ZBTB10: variants seen among roughly 807,000 people sequenced by gnomAD.
ZBTB10 encodes the protein zinc finger and BTB domain-containing protein 10.
A neutral mutation model predicts 76.4 loss-of-function variants in ZBTB10; 32 were observed. That is an observed-to-expected ratio of 0.42 (90% confidence interval 0.32 to 0.56). The LOEUF (loss-of-function observed/expected upper bound fraction) is 0.56, where lower values mean the gene tolerates loss of function less well. Ranked by LOEUF, ZBTB10 falls within the 20% of genes least tolerant of loss-of-function variation. The pLI is 0.14. For synonymous variants in ZBTB10, 523 were observed against 432.9 expected (o/e 1.21, Z -2.58); for missense variants, 1,057 against 1,098.5 (o/e 0.96, Z 0.53).
In ZBTB10 at chr8:80,486,870, C is replaced by G; in HGVS notation, c.60C>G (p.Thr20=). 1 of 1,513,436 alleles carries G rather than the reference C, an allele frequency of 6.6e-7. No individual in the cohort carries two copies. Among genetic ancestry groups the G allele is most frequent in the Non-Finnish European group, 8.8e-7 (1 of 1,132,894 alleles). 93.8% of individuals were successfully genotyped at this position (1,513,436 alleles called of 1,614,324 possible). Residue 20 remains threonine, a synonymous_variant, in exon 1 of 6, where the codon ACC becomes ACG. Coordinates refer to ENST00000455036, the MANE Select transcript of ZBTB10 (RefSeq NM_001105539.3). ...CGTTCCGAGGAGGCGGGTTGGTCAC[C>G]GCTAGCGGCGGCGGCTCCACGAACA... ...TLAFRGGGLV[T]ASGGGSTNNN...
chr8:80,523,037 T>A lies in ZBTB10; in HGVS notation c.*3509T>A, dbSNP rs1330509396. The A allele has an allele frequency of 1.3e-5, 2 of 151,944 alleles. No individual in the cohort carries two copies. The highest frequency in any genetic ancestry group is 6.6e-5 in the Admixed American group (1 of 15,222). 9.4% of individuals were successfully genotyped at this position (151,944 alleles called of 1,614,324 possible). ...AAAACGATTAAAAAAACTACCAATTTTTTTTTTGAGTGCCCACACTTGCCG... is the reference window on the plus strand; with the variant it reads ...AAAACGATTAAAAAAACTACCAATTATTTTTTTGAGTGCCCACACTTGCCG... On this transcript the variant is annotated 3_prime_UTR_variant, in exon 6 of 6. Coordinates refer to ENST00000455036, the MANE Select transcript of ZBTB10 (RefSeq NM_001105539.3).
intron 2 of ZBTB10, 96 bp from the exon 3 acceptor site, chr8:80,513,814 A>C: frequency 1.1e-6 from 1 of 937,390 alleles, no homozygotes; most frequent in Non-Finnish European, 1.7e-6. Context: ...TACAGATGGT[A>C]CTTTTTATTT....
chr8:80,486,434 G>C lies in ZBTB10; in HGVS notation c.-377G>C. The C allele has an allele frequency of 3.0e-6, 3 of 984,864 alleles. No individual in the cohort carries two copies. Among genetic ancestry groups the C allele is most frequent in the Non-Finnish European group, 3.6e-6 (3 of 829,914 alleles). The allele number at this position is 984,864 out of a possible 1,614,324, so 61.0% of individuals were successfully genotyped here. A position where few individuals can be genotyped will look rare whatever the true frequency, so the allele number is the denominator to read the frequency against. Reference sequence around the variant, plus strand: ...TGTGTGCGCGCGCGGCTTTAAAGAGGGGGCAGCGGAGGGTCTCCCCGCACT... The same window carrying C: ...TGTGTGCGCGCGCGGCTTTAAAGAGCGGGCAGCGGAGGGTCTCCCCGCACT... On this transcript the variant is annotated 5_prime_UTR_variant, in exon 1 of 6. Transcript: ENST00000455036.
Position 80,500,272 on chromosome 8 carries a change from T to A in ZBTB10, c.1751T>A (p.Phe584Tyr), listed in dbSNP as rs1455936145. The part of the protein sequence containing the change: ...TRRKNQTTKR[F>Y]IYNIPPNNET... ...AGGAAAAACCAAACTACAAAAAGAT[T>A]TATTTATAATATTCCACCTAATAAT... Residue 584 changes from phenylalanine (F) to tyrosine (Y), a missense_variant, in exon 2 of 6, where the codon TTT (phenylalanine) becomes TAT (tyrosine). By Grantham distance (22) the Phe-to-Tyr change is conservative. This residue lies in a region of ZBTB10 where 306 missense variants were observed against 297.5 expected (regional missense o/e 1.03). Transcript: ENST00000455036. The A allele has an allele frequency of 6.3e-7, 1 of 1,575,642 alleles. No homozygotes were observed. Among genetic ancestry groups the A allele is most frequent in the Admixed American group, 1.8e-5 (1 of 54,178 alleles).
At chr8:80,513,785 CAGT>C (rs1465513442) in intron 2 of ZBTB10, 122 bp from the exon 3 acceptor site, 1 of 725,078 alleles carries the variant, frequency 1.4e-6, no homozygotes, top group East Asian at 2.9e-5. Flanking sequence ...GTATTGAACA[CAGT>C]AGATAATTCA....
intron 3 of ZBTB10, among the ~76,000 whole-genome samples, chr8:80,516,329 T>C (rs1816324780): frequency 6.6e-6 from 1 of 152,254 alleles, no homozygotes; most frequent in Non-Finnish European, 1.5e-5. Flanking sequence ...GTCAGAAGTA[T>C]GTATTGGCAT....
upstream of ZBTB10, chr8:80,485,939 C>G (rs1815434569): frequency 6.7e-7 from 1 of 1,503,340 alleles, no homozygotes; most frequent in African/African-American, 1.4e-5. Context: ...GCTGTTTGTC[C>G]TCCGCGTAGC....
chr8:80,524,659 A>G lies in ZBTB10; in HGVS notation c.*5131A>G, dbSNP rs930742381. 3.3e-5 allele frequency: 5 copies of G among 152,106 alleles called. No individual in the cohort carries two copies. Among genetic ancestry groups the G allele is most frequent in the African/African-American group, 1.2e-4 (5 of 41,456 alleles). The allele number at this position is 152,106 out of a possible 1,614,324, so 9.4% of individuals were successfully genotyped here. A position where few individuals can be genotyped will look rare whatever the true frequency, so the allele number is the denominator to read the frequency against. On this transcript the variant is annotated 3_prime_UTR_variant, in exon 6 of 6. Transcript: ENST00000455036. ...TTTGGAGAAGGGCACAATAAAGGGG[A>G]GCCCACATAGCATTATAATGCCTAG...
intron 2 of ZBTB10, among the ~76,000 whole-genome samples, chr8:80,511,579 C>T (rs1027875314): frequency 2.0e-5 from 3 of 152,176 alleles, no homozygotes; most frequent in Non-Finnish European, 4.4e-5. Flanking sequence ...CCTTGGACTC[C>T]TGGGCTCAAG....
At chr8:80,506,024 G>A (rs1816043311) in intron 2 of ZBTB10, among the ~76,000 whole-genome samples, 1 of 151,372 alleles carries the variant, frequency 6.6e-6, no homozygotes, top group Admixed American at 6.6e-5. Context: ...CAAAGTGCTG[G>A]GATTACAGCC....
At chr8:80,516,145 A>G (rs1180536338) in intron 3 of ZBTB10, among the ~76,000 whole-genome samples, 1 of 152,140 alleles carries the variant, frequency 6.6e-6, no homozygotes, top group Non-Finnish European at 1.5e-5. Flanking sequence ...GCTGGCCTGA[A>G]TCTCATGGGC....
intron 1 of ZBTB10, among the ~76,000 whole-genome samples, chr8:80,498,843 T>G (rs572370660): frequency 6.6e-6 from 1 of 152,354 alleles, no homozygotes; most frequent in Non-Finnish European, 1.5e-5. Flanking sequence ...TAATTTACCT[T>G]ACAGTTTATA....
At chr8:80,502,827 A>G (rs1377521587) in intron 2 of ZBTB10, among the ~76,000 whole-genome samples, 4 of 152,298 alleles carry the variant, frequency 2.6e-5, no homozygotes, top group Admixed American at 6.5e-5. Context: ...CATTTGTACT[A>G]TGTAAACAAA....
In ZBTB10 at chr8:80,522,220, G is replaced by A. The variant is rs1420096901; in HGVS notation, c.*2692G>A. 2 of 151,824 alleles carry A rather than the reference G, an allele frequency of 1.3e-5. No homozygotes were observed. The allele number at this position is 151,824 out of a possible 1,614,324, so 9.4% of individuals were successfully genotyped here. The stretch of plus-strand genomic sequence containing the variant: ...CTGACTTACAGTAAAATTTCAGGAA[G>A]TTGATAGATACTAAGAACTTATGAT... On this transcript the variant is annotated 3_prime_UTR_variant, in exon 6 of 6. Coordinates refer to ENST00000455036, the MANE Select transcript of ZBTB10 (RefSeq NM_001105539.3).
intron 2 of ZBTB10, among the ~76,000 whole-genome samples, 161 bp downstream of exon 2, chr8:80,500,543 A>C (rs1370292959): frequency 2.0e-5 from 3 of 152,322 alleles, no homozygotes; most frequent in African/African-American, 7.2e-5. Flanking sequence ...CATATTTGGT[A>C]TATTTTCTTT....
At chr8:80,491,740 G>A (rs1815636749) in intron 1 of ZBTB10, among the ~76,000 whole-genome samples, 1 of 152,190 alleles carries the variant, frequency 6.6e-6, no homozygotes, top group South Asian at 2.1e-4. Flanking sequence ...TGGCCCAGAA[G>A]ACTTTAAAAT....
chr8:80,486,154 C>T (rs1323102326), upstream of ZBTB10: 5 of 904,994 alleles, frequency 5.5e-6, no homozygotes, highest in African/African-American at 9.2e-5. Flanking sequence ...CTCCCCCAGC[C>T]CGGCCCCCAC....
chr8:80,485,699 C>A, upstream of ZBTB10: 1 of 1,288,280 alleles, frequency 7.8e-7, no homozygotes, highest in Non-Finnish European at 1.1e-6. Context: ...GTAACCTCTT[C>A]GCGTGAAAGG....
intron 1 of ZBTB10, among the ~76,000 whole-genome samples, chr8:80,493,207 G>GCGCGCACACACACACACA (rs375071529): frequency 8.0e-5 from 10 of 125,282 alleles, no homozygotes; most frequent in African/African-American, 2.2e-4. Flanking sequence ...GCGCGCGCGC[G>GCGCGCACACACACACACA]CACACACACA....
Sources: gnomAD v4.1 joint callset for allele counts (sites outside exome capture counted in the v4.1 genomes callset) on GRCh38, gnomAD v4.1.1 for gene constraint, gnomAD v4.1.1 regional missense constraint, MANE v1.5 for transcripts, NCBI Gene and HGNC (gene_info 2026-07-23, HGNC 2026-07-21) for gene names.